DPF3: variants seen among roughly 807,000 people sequenced by gnomAD.
The protein encoded by DPF3 is zinc finger protein DPF3.
DPF3 carries 18 observed loss-of-function variants against 56.8 expected under a neutral mutation model. That is an observed-to-expected ratio of 0.32 (90% CI 0.22 to 0.47). The LOEUF is 0.47. DPF3 is among the 20% of genes least tolerant of loss of function. The pLI, the probability that DPF3 is intolerant of heterozygous loss-of-function variation, is 1.00. For missense variants in DPF3, 403 were observed against 488.8 expected (o/e 0.82, Z 1.65); for synonymous variants, 188 against 180.2 (o/e 1.04, Z -0.35).
rs938668724 is a variant in DPF3, at chr14:72,669,983, T to C, written c.871+4257A>G. ...ACTAGGACCTCGCAGCCGGTCATTCTTGGGACTGTCAGTGAGGTGGGTGGC... is the reference window on the plus strand; with the variant it reads ...ACTAGGACCTCGCAGCCGGTCATTCCTGGGACTGTCAGTGAGGTGGGTGGC... On this transcript the variant is annotated intron_variant, in intron 8 of 10. Transcript: ENST00000556509. The C allele has an allele frequency of 7.1e-6, 7 of 985,942 alleles. No individual in the cohort carries two copies. The African/African-American group carries it at 1.0e-4, about 15-fold the overall frequency. The allele number at this position is 985,942 out of a possible 1,614,324, so 61.1% of individuals were successfully genotyped here. A position where few individuals can be genotyped will look rare whatever the true frequency, so the allele number is the denominator to read the frequency against.
intron 1 of DPF3, among the ~76,000 whole-genome samples, chr14:72,891,935 G>C (rs1013551426): frequency 1.3e-5 from 2 of 152,080 alleles, no homozygotes; most frequent in African/African-American, 4.8e-5. Flanking sequence ...TCCACTAACC[G>C]GCCAGAATTC....
chr14:72,760,397 T>G (rs10140400), intron 2 of DPF3, among the ~76,000 whole-genome samples: 55,314 of 152,016 alleles, frequency 0.36, 10,200 homozygotes, highest in Middle Eastern at 0.41. Flanking sequence ...CTGCCTTCCT[T>G]TTATAAGAAC....
chr14:72,892,321 C>G, intron 1 of DPF3: 1 of 1,535,390 alleles, frequency 6.5e-7, no homozygotes, highest in Admixed American at 2.0e-5. Flanking sequence ...GAAGTTACGC[C>G]CATTTATTCT....
chr14:72,752,901 G>A (rs755437262), intron 3 of DPF3, among the ~76,000 whole-genome samples: 4 of 152,090 alleles, frequency 2.6e-5, no homozygotes, highest in Admixed American at 6.5e-5. Flanking sequence ...ATACAAACTG[G>A]GCCAAGATTT....
At chr14:72,884,871 C>T (rs1460019556) in intron 1 of DPF3, among the ~76,000 whole-genome samples, 28 of 143,320 alleles carry the variant, frequency 2.0e-4, no homozygotes, top group South Asian at 6.7e-4. Flanking sequence ...CCGAGGCGGG[C>T]GGATCACGAG....
At chr14:72,812,057 C>T (rs553316969) in intron 1 of DPF3, among the ~76,000 whole-genome samples, 1 of 152,276 alleles carries the variant, frequency 6.6e-6, no homozygotes, top group East Asian at 1.9e-4. Context: ...TCTCTTGTAT[C>T]TAAGATCTGC....
At chr14:72,729,364 C>T (rs945508426) in intron 4 of DPF3, among the ~76,000 whole-genome samples, 2 of 152,170 alleles carry the variant, frequency 1.3e-5, no homozygotes, top group African/African-American at 2.4e-5. Flanking sequence ...AGGTCTGGGA[C>T]AGGCCTGGCA....
intron 1 of DPF3, among the ~76,000 whole-genome samples, chr14:72,868,900 T>C (rs754517745): frequency 2.1e-4 from 32 of 152,198 alleles, no homozygotes; most frequent in Admixed American, 3.9e-4. Flanking sequence ...AATCTCCCCA[T>C]GGCCAGGGGA....
chr14:72,863,353 G>A (rs1885530458), intron 1 of DPF3, among the ~76,000 whole-genome samples: 1 of 151,776 alleles, frequency 6.6e-6, no homozygotes, highest in Non-Finnish European at 1.5e-5. Flanking sequence ...AGTTGCAGGT[G>A]CCACCGACCT....
At chr14:72,642,035 ACT>A (rs750044211) in intron 8 of DPF3, among the ~76,000 whole-genome samples, 46 of 152,276 alleles carry the variant, frequency 3.0e-4, no homozygotes, top group East Asian at 5.8e-4. Context: ...AAGAACTGAG[ACT>A]CTCAACGCAG....
intron 2 of DPF3, 102 bp downstream of exon 2, chr14:72,771,631 C>T (rs1274951600): frequency 4.8e-6 from 7 of 1,460,468 alleles, no homozygotes; most frequent in Non-Finnish European, 5.5e-6. Flanking sequence ...TGCCCCACCC[C>T]GATCCTACCC....
Position 72,619,152 on chromosome 14 carries a change from G to T in DPF3, c.*145C>A. ...GGTCAGGAGATGCCTCACCCTCTTC[G>T]TTCCATGTGTCCCTGCCCCTCTGGG... On this transcript the variant is annotated 3_prime_UTR_variant, in exon 11 of 11. Coordinates refer to ENST00000556509, the MANE Select transcript of DPF3 (RefSeq NM_001280542.3). 3 of 774,490 alleles carry T rather than the reference G, an allele frequency of 3.9e-6. No individual in the cohort carries two copies. Among genetic ancestry groups the T allele is most frequent in the Non-Finnish European group, 6.0e-6 (3 of 496,740 alleles). 48.0% of individuals were successfully genotyped at this position (774,490 alleles called of 1,614,324 possible).
At chr14:72,622,668 C>A (rs1884528794) in intron 9 of DPF3, among the ~76,000 whole-genome samples, 1 of 152,008 alleles carries the variant, frequency 6.6e-6, no homozygotes, top group Non-Finnish European at 1.5e-5. Flanking sequence ...TCTTCCACCA[C>A]CAAGAGCCCC....
At chr14:72,881,523 G>C (rs1567269301) in intron 1 of DPF3, among the ~76,000 whole-genome samples, 1 of 152,164 alleles carries the variant, frequency 6.6e-6, no homozygotes, top group Admixed American at 6.5e-5. Flanking sequence ...CCCTTCCCTT[G>C]AAAGGTCTTG....
chr14:72,884,979 G>A (rs1173351135), intron 1 of DPF3, among the ~76,000 whole-genome samples: 1 of 29,372 alleles, frequency 3.4e-5, no homozygotes, highest in East Asian at 1.1e-3. Context: ...TATTAGCCGG[G>A]CGTAAGGCGG....
chr14:72,633,008 A>T (rs1885260943), intron 8 of DPF3, among the ~76,000 whole-genome samples: 1 of 152,226 alleles, frequency 6.6e-6, no homozygotes, highest in Non-Finnish European at 1.5e-5. Context: ...GAGATACAAG[A>T]ATGATTCAAC....
At chr14:72,838,259 C>T (rs754530802) in intron 1 of DPF3, among the ~76,000 whole-genome samples, 1 of 152,148 alleles carries the variant, frequency 6.6e-6, no homozygotes, top group Non-Finnish European at 1.5e-5. Flanking sequence ...TCTGGGAGGC[C>T]GAGACGGGCA....
chr14:72,754,023 A>T (rs1599411158), intron 2 of DPF3, among the ~76,000 whole-genome samples: 1 of 151,936 alleles, frequency 6.6e-6, no homozygotes, highest in Non-Finnish European at 1.5e-5. Context: ...AAAAAAAAAA[A>T]TAGGCAGGAG....
chr14:72,722,894 G>A (rs1889239314), intron 5 of DPF3, among the ~76,000 whole-genome samples: 1 of 151,924 alleles, frequency 6.6e-6, no homozygotes, highest in Non-Finnish European at 1.5e-5. Flanking sequence ...CCAGGCTCTG[G>A]CTTTTTCCTT....
Sources: allele counts gnomAD v4.1 joint callset (sites outside exome capture counted in the v4.1 genomes callset), GRCh38; gene constraint gnomAD v4.1.1; transcripts MANE v1.5; gene names NCBI Gene and HGNC (gene_info 2026-07-23, HGNC 2026-07-21).